The following ZNF536 variants were observed in gnomAD, a reference collection of about 807,000 sequenced individuals.
The protein encoded by ZNF536 is zinc finger protein 536.
Under a neutral mutation model 84.5 loss-of-function variants are expected in ZNF536, and 13 were observed. The observed-to-expected ratio is 0.15, with a 90% CI of 0.10 to 0.24. The LOEUF (loss-of-function observed/expected upper bound fraction) is 0.24, where lower values mean the gene tolerates loss of function less well. Among genes scored for constraint, ZNF536 ranks in the 10% least tolerant of loss-of-function variants. ZNF536 has a pLI of 1.00. For missense variants in ZNF536, 1,536 were observed against 1,747.5 expected (o/e 0.88, Z 2.16); for synonymous variants, 811 against 742.5 (o/e 1.09, Z -1.50).
chr19:30,434,986 T>C (rs1030506750), intron 1 of ZNF536, among the ~76,000 whole-genome samples: 1 of 151,906 alleles, frequency 6.6e-6, no homozygotes, highest in Non-Finnish European at 1.5e-5. Flanking sequence ...ATGATCGTGG[T>C]GATGATGGTG....
chr19:30,486,613 A>G (rs908216506), intron 2 of ZNF536, among the ~76,000 whole-genome samples: 3 of 152,186 alleles, frequency 2.0e-5, no homozygotes, highest in Non-Finnish European at 4.4e-5. Flanking sequence ...TTGGGTATAT[A>G]CCTAGTAATG....
In ZNF536 at chr19:30,662,962, C is replaced by CTT. The variant is rs951081577; in HGVS notation, c.170-47772_170-47771dup. ...CTTTCTTTCTTTTTCTTTTTCGTTTCTTTTTTTTTTTTTTTTTTTTTTTTA... is the reference window on the plus strand; with the variant it reads ...CTTTCTTTCTTTTTCTTTTTCGTTTCTTTTTTTTTTTTTTTTTTTTTTTTTTA... On this transcript the variant is annotated intron_variant, in intron 1 of 1. Coordinates refer to the ZNF536 transcript ENST00000592773. 5.6e-3 allele frequency among the ~76,000 whole-genome samples: 441 copies of CTT among 78,724 alleles called. 2 individuals are homozygous for CTT. The highest frequency in any genetic ancestry group is 7.3e-3 in the Non-Finnish European group (291 of 39,788). 51.6% of individuals were successfully genotyped at this position (78,724 alleles called of 152,430 possible).
intron 1 of ZNF536, among the ~76,000 whole-genome samples, chr19:30,376,836 C>A (rs540208209): frequency 6.6e-6 from 1 of 152,220 alleles, no homozygotes; most frequent in Non-Finnish European, 1.5e-5. Flanking sequence ...CATGTGCCTC[C>A]CCCTGCCCCG....
chr19:30,448,393 A>G (rs2052449277), intron 2 of ZNF536, among the ~76,000 whole-genome samples: 1 of 152,256 alleles, frequency 6.6e-6, no homozygotes, highest in African/African-American at 2.4e-5. Context: ...AAATCTGGAT[A>G]CAATGGGTAT....
chr19:30,700,211 TCC>T (rs1491477948), intron 1 of ZNF536, among the ~76,000 whole-genome samples: 1 of 117,920 alleles, frequency 8.5e-6, no homozygotes, highest in African/African-American at 3.3e-5. Context: ...CTTCTTTCTT[TCC>T]TTCTTTCTTT....
chr19:30,609,790 C>CCATCCATT (rs1200944425), intron 1 of ZNF536, among the ~76,000 whole-genome samples: 7 of 150,428 alleles, frequency 4.7e-5, no homozygotes, highest in African/African-American at 1.7e-4. Context: ...ATCCATCCAT[C>CCATCCATT]CATCCATCCA....
At chr19:30,432,862 A>G (rs2051538947) in intron 1 of ZNF536, among the ~76,000 whole-genome samples, 2 of 152,116 alleles carry the variant, frequency 1.3e-5, no homozygotes. Flanking sequence ...GCCCTAGTGG[A>G]AGCTCTGTGG....
intron 2 of ZNF536, among the ~76,000 whole-genome samples, chr19:30,325,574 C>T (rs1281605898): frequency 2.0e-5 from 3 of 152,220 alleles, no homozygotes; most frequent in Non-Finnish European, 4.4e-5. Context: ...GGGCCCTTCC[C>T]TGAGGCTCAA....
chr19:30,294,145 G>A (rs1482854664), intron 2 of ZNF536, among the ~76,000 whole-genome samples: 3 of 152,170 alleles, frequency 2.0e-5, no homozygotes, highest in Non-Finnish European at 4.4e-5. Context: ...GAGGGTCCCT[G>A]TGCTCAGCTC....
chr19:30,373,259 C>T (rs1432949224), intron 1 of ZNF536, among the ~76,000 whole-genome samples: 1 of 152,154 alleles, frequency 6.6e-6, no homozygotes, highest in Non-Finnish European at 1.5e-5. Flanking sequence ...GGCCCTCATC[C>T]TGAATCCCTT....
chr19:30,442,096 A>G (rs2052078613), intron 1 of ZNF536, among the ~76,000 whole-genome samples: 1 of 152,238 alleles, frequency 6.6e-6, no homozygotes, highest in Non-Finnish European at 1.5e-5. Flanking sequence ...ATGGGATGCA[A>G]GAGGAGAGGT....
At chr19:30,246,113 TA>T (rs2024257132) in intron 1 of ZNF536, among the ~76,000 whole-genome samples, 1 of 151,958 alleles carries the variant, frequency 6.6e-6, no homozygotes, top group South Asian at 2.1e-4. Flanking sequence ...TGAGGTGGAG[TA>T]ACCCCACTGG....
At chr19:30,244,625 G>A (rs1458370184) in intron 1 of ZNF536, among the ~76,000 whole-genome samples, 1 of 152,202 alleles carries the variant, frequency 6.6e-6, no homozygotes, top group African/African-American at 2.4e-5. Flanking sequence ...CACCTTCCCT[G>A]TGTTTGGACA....
At chr19:30,398,624 G>A (rs2049920838) in intron 1 of ZNF536, among the ~76,000 whole-genome samples, 1 of 152,076 alleles carries the variant, frequency 6.6e-6, no homozygotes, top group African/African-American at 2.4e-5. Context: ...CCACTTATGA[G>A]TGAGAACATG....
intron 1 of ZNF536, among the ~76,000 whole-genome samples, chr19:30,689,510 C>T (rs761757637): frequency 6.6e-6 from 1 of 152,106 alleles, no homozygotes; most frequent in Non-Finnish European, 1.5e-5. Context: ...TTAGAAAACT[C>T]GTTTATTTGG....
chr19:30,536,372 C>T (rs2045081802), intron 3 of ZNF536, among the ~76,000 whole-genome samples: 1 of 152,106 alleles, frequency 6.6e-6, no homozygotes, highest in Non-Finnish European at 1.5e-5. Flanking sequence ...CCTGACTATC[C>T]CACCTAAAAC....
At chr19:30,491,845 T>C (rs540911858) in intron 2 of ZNF536, among the ~76,000 whole-genome samples, 7 of 152,148 alleles carry the variant, frequency 4.6e-5, no homozygotes, top group Admixed American at 2.6e-4. Flanking sequence ...CTTTTTTTTT[T>C]TTAAGTGTTC....
Position 30,662,636 on chromosome 19 carries a change from G to C in ZNF536, c.170-48121G>C, listed in dbSNP as rs1182035635. ...AATACCTGGTGGTGACTGAGTAGTA[G>C]TTTTTCTCTCTTATTTTTCAATGAA... On this transcript the variant is annotated intron_variant, in intron 1 of 1. Coordinates refer to the ZNF536 transcript ENST00000592773. Among the ~76,000 whole-genome samples, 4 of 152,038 alleles carry C rather than the reference G, an allele frequency of 2.6e-5. No individual in the cohort carries two copies. The East Asian group carries it at 7.7e-4, about 29-fold the overall frequency.
chr19:30,234,847 A>G (rs866727495), intron 1 of ZNF536, among the ~76,000 whole-genome samples: 3 of 152,168 alleles, frequency 2.0e-5, no homozygotes, highest in Non-Finnish European at 4.4e-5. Context: ...GAGATTAATC[A>G]CAGAAATGCC....
Sources: gnomAD v4.1 joint callset for allele counts (sites outside exome capture counted in the v4.1 genomes callset) on GRCh38, gnomAD v4.1.1 for gene constraint, MANE v1.5 for transcripts, NCBI Gene and HGNC (gene_info 2026-07-23, HGNC 2026-07-21) for gene names.